HMMR: variants seen among roughly 807,000 people sequenced by gnomAD.
The protein encoded by HMMR is intracellular hyaluronic acid-binding protein.
HMMR carries 108 observed loss-of-function variants against 101.0 expected under a neutral mutation model. That is an observed-to-expected ratio of 1.07 (90% CI 0.92 to 1.25). HMMR has a LOEUF of 1.25. Among genes scored for constraint, HMMR ranks in the 50% most tolerant of loss-of-function variants. The pLI, the probability that HMMR is intolerant of heterozygous loss-of-function variation, is 0.00. For synonymous variants in HMMR, 296 were observed against 276.4 expected, an observed-to-expected ratio of 1.07 and a Z score of -0.70; for missense variants, 813 against 788.7, an observed-to-expected ratio of 1.03 and a Z score of -0.37.
Position 163,471,454 on chromosome 5 carries a change from A to C in HMMR, c.641A>C (p.Glu214Ala). Residue 214 changes from glutamate to alanine, a missense_variant, in exon 7 of 18, where the codon GAG becomes GCG. Coordinates refer to ENST00000393915, the MANE Select transcript of HMMR (RefSeq NM_001142556.2). ...EESQGKIAQLEGKLVSIEKEK... is the reference protein window; with the variant it reads ...EESQGKIAQLAGKLVSIEKEK... ...TCTCAAGGGAAAATAGCCCAACTGG[A>C]GGGAAAACTGTAAGTGAGTGAATGT... is the stretch of plus-strand genomic sequence containing the variant. 6.2e-7 allele frequency: 1 copy of C among 1,606,902 alleles called. No homozygotes were observed. The highest frequency in any genetic ancestry group is 8.5e-7 in the Non-Finnish European group (1 of 1,173,620).
At chr5:163,487,858 T>C (rs1015403960) in intron 16 of HMMR, among the ~76,000 whole-genome samples, 1 of 151,896 alleles carries the variant, frequency 6.6e-6, no homozygotes, top group Non-Finnish European at 1.5e-5. Context: ...TTTTGTTTGG[T>C]TTTTGGGTTT....
intron 7 of HMMR, among the ~76,000 whole-genome samples, chr5:163,472,668 T>C (rs111293799): frequency 0.018 from 2,764 of 152,348 alleles, 41 homozygotes; most frequent in Non-Finnish European, 0.03. Context: ...GATTTTAATT[T>C]GTTACCATGA....
chr5:163,462,827 C>CAAA (rs72118799), intron 1 of HMMR, among the ~76,000 whole-genome samples: 1 of 70,704 alleles, frequency 1.4e-5, no homozygotes, highest in Non-Finnish European at 2.8e-5. Flanking sequence ...GACTCCGTCT[C>CAAA]AAAAAAAAAA....
At chr5:163,471,738 G>A (rs1289218559) in intron 7 of HMMR, among the ~76,000 whole-genome samples, 1 of 152,166 alleles carries the variant, frequency 6.6e-6, no homozygotes. Context: ...GTGGTCATTA[G>A]ATTGAAATTG....
chr5:163,461,456 TA>T (rs1450700472), intron 1 of HMMR, among the ~76,000 whole-genome samples: 1 of 152,152 alleles, frequency 6.6e-6, no homozygotes, highest in Non-Finnish European at 1.5e-5. Flanking sequence ...CACAGCACAG[TA>T]ACCAGGAAGC....
chr5:163,489,389 A>C (rs995957679), intron 16 of HMMR: 4 of 152,312 alleles, frequency 2.6e-5, no homozygotes, highest in Non-Finnish European at 2.9e-5. Context: ...AGTTCCTTTG[A>C]AAAGAAATGA....
intron 16 of HMMR, among the ~76,000 whole-genome samples, chr5:163,489,697 T>C (rs1404973062): frequency 6.6e-6 from 1 of 152,140 alleles, no homozygotes; most frequent in African/African-American, 2.4e-5. Context: ...CCCTGTTCCA[T>C]GAATGGGGCT....
intron 12 of HMMR, among the ~76,000 whole-genome samples, chr5:163,479,500 G>T (rs951205719): frequency 6.6e-6 from 1 of 151,828 alleles, no homozygotes; most frequent in Non-Finnish European, 1.5e-5. Flanking sequence ...GTAAGACCTT[G>T]TTTCTACAAA....
intron 1 of HMMR, among the ~76,000 whole-genome samples, chr5:163,461,296 T>A (rs1336606588): frequency 2.0e-5 from 3 of 152,188 alleles, no homozygotes; most frequent in African/African-American, 7.2e-5. Context: ...TTATTAGTTA[T>A]GTTAATTTCC....
intron 5 of HMMR, among the ~76,000 whole-genome samples, chr5:163,470,133 A>G (rs1758837312): frequency 6.6e-6 from 1 of 152,094 alleles, no homozygotes; most frequent in South Asian, 2.1e-4. Context: ...GCGCCATTGC[A>G]CTTCAGCCTA....
chr5:163,482,685 G>C lies in HMMR; in HGVS notation c.1429G>C (p.Glu477Gln), dbSNP rs148194934. Residue 477 changes from glutamate to glutamine, a missense_variant, in exon 13 of 18, where the codon GAG (glutamate) becomes CAG (glutamine). Physicochemically the swap from Glu to Gln is conservative, Grantham distance 29. Transcript: ENST00000393915. ...TASEIEDLKL[E>Q]NSSLQEKAAK... ...CAGTGAGATAGAAGATCTTAAGCTG[G>C]AGAACTCATCATTACAGGAAAAAGC... 6.2e-7 allele frequency: 1 copy of C among 1,612,254 alleles called. No homozygotes were observed. The highest frequency in any genetic ancestry group is 1.3e-5 in the African/African-American group (1 of 74,834).
At chr5:163,476,067 CT>C (rs1759061666) in intron 11 of HMMR, among the ~76,000 whole-genome samples, 4 of 152,202 alleles carry the variant, frequency 2.6e-5, no homozygotes, top group Admixed American at 2.6e-4. Flanking sequence ...AATTCCCATA[CT>C]TTGGGATGCC....
chr5:163,460,843 C>T, intron 1 of HMMR, 105 bp downstream of exon 1: 4 of 932,012 alleles, frequency 4.3e-6, no homozygotes, highest in South Asian at 2.8e-5. Context: ...TAGGGTCGGG[C>T]TGGGGCTCAT....
chr5:163,463,985 T>C, intron 2 of HMMR, 31 bp downstream of exon 2: 1 of 711,718 alleles, frequency 1.4e-6, no homozygotes, highest in Non-Finnish European at 2.2e-6. Flanking sequence ...ACAATGGTTA[T>C]GTGATCTTAT....
At position 163,460,720 on chromosome 5, in the gene HMMR, C is replaced by A; in HGVS notation, c.28C>A (p.Arg10=). ...GTCCTTTCCTAAGGCGCCCTTGAAA[C>A]GATTCAATGACCCTTCTGGTGCGTA... MSFPKAPLK[R]FNDPSGCAPS... Residue 10 remains arginine (R), a synonymous_variant, in exon 1 of 18, where the codon CGA becomes AGA. Transcript: ENST00000393915. 6.2e-7 allele frequency: 1 copy of A among 1,608,518 alleles called. No homozygotes were observed. Among genetic ancestry groups the A allele is most frequent in the Non-Finnish European group, 8.5e-7 (1 of 1,177,444 alleles).
chr5:163,474,056 G>A lies in HMMR; in HGVS notation c.905-1G>A, dbSNP rs1205557123. 1.2e-6 allele frequency: 2 copies of A among 1,605,404 alleles called. No homozygotes were observed. Among genetic ancestry groups the A allele is most frequent in the Admixed American group, 1.7e-5 (1 of 58,558 alleles). On this transcript the variant is annotated splice_acceptor_variant, in intron 9 of 17. Coordinates refer to ENST00000393915, the MANE Select transcript of HMMR (RefSeq NM_001142556.2). LOFTEE classifies it high-confidence loss of function. ...TATTCTTGATGTTTTGCGTTTTCTA[G>A]AAGACCATGTCAACAGGAATAGAGA...
At chr5:163,478,460 T>G (rs1299513661) in intron 11 of HMMR, among the ~76,000 whole-genome samples, 2 of 152,288 alleles carry the variant, frequency 1.3e-5, no homozygotes, top group Admixed American at 1.3e-4. Flanking sequence ...ACCCAAATTT[T>G]TAAAGTAAAA....
chr5:163,474,513 A>C lies in HMMR; in HGVS notation c.1053+308A>C, dbSNP rs1196760476. On this transcript the variant is annotated intron_variant, in intron 10 of 17. Transcript: ENST00000393915. The stretch of plus-strand genomic sequence containing the variant: ...AACATTTACACTTACCTTGTAAAAG[A>C]CTGTCTAATTACAGAAGAAACAAAG... 3 of 468,212 alleles carry C rather than the reference A, an allele frequency of 6.4e-6. No individual in the cohort carries two copies. The Admixed American group carries it at 7.0e-5, about 11-fold the overall frequency. 29.0% of individuals were successfully genotyped at this position (468,212 alleles called of 1,614,324 possible).
In HMMR at chr5:163,463,863, A is replaced by G. The variant is rs751533811; in HGVS notation, c.54A>G (p.Ala18=). ...LKRFNDPSGC[A]PSPGAYDVKT... ...GTTTTCTATTTCCTCTAGGTTGTGC[A>G]CCATCTCCAGGTGCTTATGATGTTA... The change falls in exon 2 of 18, where the codon GCA becomes GCG. Residue 18 remains alanine (A), a synonymous_variant. Transcript: ENST00000393915. 1.4e-6 allele frequency: 2 copies of G among 1,421,596 alleles called. No individual in the cohort carries two copies. Among genetic ancestry groups the G allele is most frequent in the South Asian group, 1.5e-5 (1 of 68,410 alleles). 88.1% of individuals were successfully genotyped at this position (1,421,596 alleles called of 1,614,324 possible). A position where few individuals can be genotyped will look rare whatever the true frequency, so the allele number is the denominator to read the frequency against.
Sources: gnomAD v4.1 joint callset for allele counts (sites outside exome capture counted in the v4.1 genomes callset) on GRCh38, gnomAD v4.1.1 for gene constraint, MANE v1.5 for transcripts, NCBI Gene and HGNC (gene_info 2026-07-23, HGNC 2026-07-21) for gene names.